The following SNTG1 variants were observed in gnomAD, a reference collection of about 807,000 sequenced individuals.
SNTG1 encodes gamma-1-syntrophin.
SNTG1 carries 39 observed loss-of-function variants against 74.7 expected under a neutral mutation model. The ratio of observed to expected loss-of-function variants is 0.52; its 90% CI spans 0.40 to 0.68. The LOEUF (loss-of-function observed/expected upper bound fraction) is 0.68. SNTG1 is among the 30% of genes least tolerant of loss of function. The pLI, the probability that SNTG1 is intolerant of heterozygous loss-of-function variation, is 0.00. For synonymous variants in SNTG1, 254 were observed against 217.1 expected (o/e 1.17, Z -1.49); for missense variants, 685 against 609.5 (o/e 1.12, Z -1.30).
At chr8:50,195,432 C>T (rs56413317) in intron 2 of SNTG1, among the ~76,000 whole-genome samples, 23,746 of 152,116 alleles carry the variant, frequency 0.16, 2,294 homozygotes, top group Middle Eastern at 0.28. Context: ...ACCAGATTTC[C>T]ATCCTCCCTG....
chr8:50,203,035 A>G (rs1003205828), intron 2 of SNTG1, among the ~76,000 whole-genome samples: 1 of 151,758 alleles, frequency 6.6e-6, no homozygotes, highest in Non-Finnish European at 1.5e-5. Context: ...GTTCTTGGGT[A>G]CTTCTTCTTT....
chr8:50,053,532 C>T lies in SNTG1; in HGVS notation c.-102-119029C>T, dbSNP rs146902289. 4.5e-3 allele frequency among the ~76,000 whole-genome samples: 677 copies of T among 151,648 alleles called. 5 individuals are homozygous for T. Among genetic ancestry groups the T allele is most frequent in the Non-Finnish European group, 6.3e-3 (425 of 67,882 alleles). On this transcript the variant is annotated intron_variant, in intron 1 of 18. Transcript: ENST00000642720. ...CTATCCTGGAATATAATAAACGTCACTGAATTATAGACTTCAAAAGTGAAC... is the reference window on the plus strand; with the variant it reads ...CTATCCTGGAATATAATAAACGTCATTGAATTATAGACTTCAAAAGTGAAC...
chr8:50,218,820 A>C (rs991901296), intron 2 of SNTG1, among the ~76,000 whole-genome samples: 11 of 152,226 alleles, frequency 7.2e-5, no homozygotes, highest in African/African-American at 2.2e-4. Context: ...CTTTATGTAG[A>C]GTTGAGTTGA....
chr8:50,617,645 C>A (rs1410839864), intron 13 of SNTG1, among the ~76,000 whole-genome samples: 3 of 152,146 alleles, frequency 2.0e-5, no homozygotes, highest in Non-Finnish European at 4.4e-5. Flanking sequence ...CCGAGCTCCC[C>A]GAGTGAGCAA....
intron 8 of SNTG1, among the ~76,000 whole-genome samples, chr8:50,490,544 CA>C (rs1489079128): frequency 1.6e-4 from 25 of 152,316 alleles, no homozygotes; most frequent in African/African-American, 6.0e-4. Flanking sequence ...AATGGGAATT[CA>C]CTCATGATTT....
chr8:49,961,908 G>GA (rs1810719201), intron 1 of SNTG1, among the ~76,000 whole-genome samples: 4 of 152,276 alleles, frequency 2.6e-5, no homozygotes, highest in Admixed American at 2.0e-4. Flanking sequence ...TCCAAGTATA[G>GA]AAAAAATAGC....
At chr8:50,684,229 T>C (rs977163589) in intron 15 of SNTG1, among the ~76,000 whole-genome samples, 2 of 152,180 alleles carry the variant, frequency 1.3e-5, no homozygotes, top group African/African-American at 4.8e-5. Context: ...ACATGCTCTC[T>C]GCCTGTGTGT....
intron 17 of SNTG1, among the ~76,000 whole-genome samples, chr8:50,745,025 G>A (rs1026209263): frequency 6.6e-6 from 1 of 151,880 alleles, no homozygotes; most frequent in African/African-American, 2.4e-5. Flanking sequence ...CGAAAGCTCA[G>A]GCAACAAAAT....
chr8:50,713,643 A>G (rs546554336), intron 17 of SNTG1, among the ~76,000 whole-genome samples: 1 of 151,136 alleles, frequency 6.6e-6, no homozygotes, highest in Non-Finnish European at 1.5e-5. Flanking sequence ...TCAGTCTTAT[A>G]TTTAAGTCTT....
intron 1 of SNTG1, among the ~76,000 whole-genome samples, chr8:50,102,377 A>G (rs1268162658): frequency 1.3e-5 from 2 of 151,558 alleles, no homozygotes; most frequent in African/African-American, 2.4e-5. Flanking sequence ...GTGTCTGTTC[A>G]TGTCCTTCAC....
At chr8:50,158,862 C>T (rs2082329887) in intron 1 of SNTG1, among the ~76,000 whole-genome samples, 1 of 152,084 alleles carries the variant, frequency 6.6e-6, no homozygotes, top group South Asian at 2.1e-4. Flanking sequence ...TCGCTGAGAC[C>T]TTGGATATGG....
At chr8:50,538,748 C>A (rs1419659436) in intron 11 of SNTG1, among the ~76,000 whole-genome samples, 13 of 152,158 alleles carry the variant, frequency 8.5e-5, no homozygotes, top group East Asian at 5.8e-4. Flanking sequence ...AAGTTTTTGA[C>A]CTTTATTCCT....
intron 1 of SNTG1, among the ~76,000 whole-genome samples, chr8:50,109,143 G>T (rs1022573127): frequency 6.6e-6 from 1 of 152,220 alleles, no homozygotes; most frequent in Non-Finnish European, 1.5e-5. Flanking sequence ...TTTTCTGGAA[G>T]TTCATAGGAA....
intron 2 of SNTG1, among the ~76,000 whole-genome samples, chr8:50,173,869 A>T (rs533201787): frequency 3.9e-4 from 60 of 152,208 alleles, no homozygotes; most frequent in Admixed American, 1.2e-3. Context: ...TGTGCAGAAC[A>T]TGCAGGTTTG....
At chr8:50,667,040 T>C (rs754054100) in intron 15 of SNTG1, among the ~76,000 whole-genome samples, 1 of 151,884 alleles carries the variant, frequency 6.6e-6, no homozygotes. Flanking sequence ...TCTTATAATA[T>C]GGTTTAAAAT....
intron 2 of SNTG1, among the ~76,000 whole-genome samples, chr8:50,202,317 A>G (rs2084017888): frequency 6.6e-6 from 1 of 152,100 alleles, no homozygotes; most frequent in South Asian, 2.1e-4. Flanking sequence ...AATGTTCTAA[A>G]TAATCTCCTG....
At chr8:50,711,123 A>G (rs1217900335) in intron 17 of SNTG1, among the ~76,000 whole-genome samples, 1 of 152,220 alleles carries the variant, frequency 6.6e-6, no homozygotes, top group Non-Finnish European at 1.5e-5. Flanking sequence ...GACTGCAAGA[A>G]ACTTGCACCC....
At chr8:50,090,612 G>A (rs2079691490) in intron 1 of SNTG1, among the ~76,000 whole-genome samples, 1 of 152,024 alleles carries the variant, frequency 6.6e-6, no homozygotes, top group Admixed American at 6.6e-5. Flanking sequence ...TGAGCTAATT[G>A]GGTCCTGTAC....
rs555774314 is a variant in SNTG1, at chr8:50,103,498, A to G, written c.-102-69063A>G. Reference sequence around the variant, plus strand: ...GGTTTTCTAGATATACAATCATGTCATCTGCAAACAGGGACAATTTGACTT... The same window carrying G: ...GGTTTTCTAGATATACAATCATGTCGTCTGCAAACAGGGACAATTTGACTT... On this transcript the variant is annotated intron_variant, in intron 1 of 18. Transcript: ENST00000642720. Among the ~76,000 whole-genome samples the G allele has an allele frequency of 4.7e-3, 714 of 152,310 alleles. 5 individuals are homozygous for G. The highest frequency in any genetic ancestry group is 0.016 in the African/African-American group (670 of 41,558).
Sources: gnomAD v4.1 joint callset for allele counts (sites outside exome capture counted in the v4.1 genomes callset) on GRCh38, gnomAD v4.1.1 for gene constraint, MANE v1.5 for transcripts, NCBI Gene and HGNC (gene_info 2026-07-23, HGNC 2026-07-21) for gene names.